Variants in RRAGC observed in about 807,000 individuals in gnomAD.
The protein encoded by RRAGC is Ras related GTP binding C, also known as ras-related GTP-binding protein C.
In RRAGC, 8 loss-of-function variants were observed where a neutral mutation model predicts 37.1. The observed-to-expected ratio is 0.22, with a 90% confidence interval of 0.13 to 0.39. The LOEUF is 0.39. Among genes scored for constraint, RRAGC ranks in the 10% least tolerant of loss-of-function variants. The pLI is 1.00. For missense variants in RRAGC, 342 were observed against 497.6 expected (o/e 0.69, Z 2.98); for synonymous variants, 190 against 181.1 (o/e 1.05, Z -0.39).
chr1:38,848,965 C>G (rs537695774), intron 5 of RRAGC, among the ~76,000 whole-genome samples: 19 of 152,144 alleles, frequency 1.2e-4, no homozygotes, highest in East Asian at 1.2e-3. Flanking sequence ...GACCCCATCT[C>G]CACAAAAATC....
chr1:38,849,920 A>C (rs1444174352), intron 5 of RRAGC, among the ~76,000 whole-genome samples: 1 of 152,140 alleles, frequency 6.6e-6, no homozygotes, highest in Non-Finnish European at 1.5e-5. Context: ...TAAAGAATTA[A>C]AACAAGCCAG....
intron 5 of RRAGC, chr1:38,847,978 T>C (rs1002639359): frequency 7.5e-5 from 11 of 146,418 alleles, no homozygotes; most frequent in African/African-American, 2.6e-4. Context: ...AGGTCGAGGC[T>C]GCAGTGAGCT....
chr1:38,847,691 T>C (rs1027872366), intron 5 of RRAGC: 2 of 152,154 alleles, frequency 1.3e-5, no homozygotes, highest in Admixed American at 1.3e-4. Flanking sequence ...TTTAACCACA[T>C]TATGTCCTTT....
At chr1:38,846,272 T>C (rs1007298602) in intron 5 of RRAGC, 185 bp from the exon 6 acceptor site, 1 of 545,906 alleles carries the variant, frequency 1.8e-6, no homozygotes, top group African/African-American at 2.0e-5. Flanking sequence ...GGGATACCTA[T>C]TAAAAACAAC....
intron 5 of RRAGC, among the ~76,000 whole-genome samples, chr1:38,849,499 GC>G: frequency 6.6e-6 from 1 of 152,220 alleles, no homozygotes; most frequent in South Asian, 2.1e-4. Flanking sequence ...GACCAGCCTG[GC>G]CAACATGGTA....
chr1:38,850,742 G>A (rs1473480336), intron 5 of RRAGC, among the ~76,000 whole-genome samples: 1 of 152,084 alleles, frequency 6.6e-6, no homozygotes, highest in South Asian at 2.1e-4. Flanking sequence ...CAAAGATAAT[G>A]CTAAAACATC....
rs1570871796 is a variant in RRAGC at position 38,857,026 on chromosome 1, C to T, written c.294G>A (p.Lys98=). Residue 98 remains lysine (K), a synonymous_variant, in exon 2 of 7, where the codon AAG becomes AAA. Coordinates refer to ENST00000373001, the MANE Select transcript of RRAGC (RefSeq NM_022157.4). The part of the protein sequence containing the change: ...NETLFLESTN[K]IYKDDISNSS... ...TATTGGAAATGTCATCCTTATAAAT[C>T]TTGTTGGTACTTTCCAAAAAGAGGG... The T allele has an allele frequency of 6.2e-7, 1 of 1,614,058 alleles. No individual in the cohort carries two copies. The highest frequency in any genetic ancestry group is 1.3e-5 in the African/African-American group (1 of 75,052).
chr1:38,843,318 TAAA>T (rs68183214), intron 6 of RRAGC, among the ~76,000 whole-genome samples: 1 of 143,790 alleles, frequency 7.0e-6, no homozygotes, highest in Admixed American at 6.9e-5. Context: ...TTCTGTCTCT[TAAA>T]AAAAAAAAAA....
chr1:38,853,366 G>T (rs71642659), intron 3 of RRAGC, among the ~76,000 whole-genome samples: 10,530 of 152,238 alleles, frequency 0.069, 416 homozygotes, highest in Middle Eastern at 0.16. Flanking sequence ...ATAACTCAGG[G>T]AGTACAATCT....
intron 5 of RRAGC, among the ~76,000 whole-genome samples, chr1:38,849,752 A>G (rs142555215): frequency 0.025 from 3,735 of 152,340 alleles, 61 homozygotes; most frequent in Non-Finnish European, 0.037. Context: ...TTACAGTTAA[A>G]TTTGATTTTT....
intron 6 of RRAGC, among the ~76,000 whole-genome samples, chr1:38,843,135 G>T (rs1641984443): frequency 6.6e-6 from 1 of 152,082 alleles, no homozygotes; most frequent in African/African-American, 2.4e-5. Flanking sequence ...TTCAAGACCA[G>T]TCTGGGCAAG....
Position 38,856,891 on chromosome 1 carries a change from G to T in RRAGC, c.429C>A (p.Val143=), listed in dbSNP as rs749889176. The T allele has an allele frequency of 1.2e-6, 2 of 1,614,048 alleles. No homozygotes were observed. Among genetic ancestry groups the T allele is most frequent in the Non-Finnish European group, 1.7e-6 (2 of 1,179,934 alleles). The change falls in exon 2 of 7, where the codon GTC becomes GTA. Residue 143 remains valine (V), a synonymous_variant. Transcript: ENST00000373001. ...CATTACTGACTACCTGTGCGTCAAT[G>T]ACGTATATCAATGCTCCTGTTCCCC... The part of the protein sequence containing the change: ...IFRGTGALIY[V]IDAQDDYMEA...
chr1:38,859,724 C>G lies in RRAGC; in HGVS notation c.-78G>C. 1 of 1,155,628 alleles carries G rather than the reference C, an allele frequency of 8.7e-7. No individual in the cohort carries two copies. The highest frequency in any genetic ancestry group is 1.1e-6 in the Non-Finnish European group (1 of 917,580). The allele number at this position is 1,155,628 out of a possible 1,614,324, so 71.6% of individuals were successfully genotyped here. A position where few individuals can be genotyped will look rare whatever the true frequency, so the allele number is the denominator to read the frequency against. On this transcript the variant is annotated 5_prime_UTR_variant, in exon 1 of 7. Coordinates refer to ENST00000373001, the MANE Select transcript of RRAGC (RefSeq NM_022157.4). ...AGGCCGCCGCCTCCCCAGTCCGCCT[C>G]CGCCGCCGCCGCCACCACCGCCACC...
chr1:38,841,302 T>C (rs1368552820), intron 6 of RRAGC, among the ~76,000 whole-genome samples: 1 of 152,074 alleles, frequency 6.6e-6, no homozygotes, highest in African/African-American at 2.4e-5. Flanking sequence ...ACCCAGGAGC[T>C]GAATGCATAG....
chr1:38,846,194 G>C, intron 5 of RRAGC, 107 bp from the exon 6 acceptor site: 1 of 862,042 alleles, frequency 1.2e-6, no homozygotes, highest in Non-Finnish European at 1.9e-6. Flanking sequence ...CTCTGGGAAA[G>C]AATACTGGCT....
intron 5 of RRAGC, among the ~76,000 whole-genome samples, chr1:38,849,610 T>A (rs1459240675): frequency 1.3e-5 from 2 of 151,210 alleles, no homozygotes; most frequent in Non-Finnish European, 3.0e-5. Context: ...ACTGCTTGAA[T>A]CCGGGAGGCA....
chr1:38,859,482 C>T lies in RRAGC; in HGVS notation c.165G>A (p.Gly55=), dbSNP rs939084063. 35 of 1,547,892 alleles carry T rather than the reference C, an allele frequency of 2.3e-5. No individual in the cohort carries two copies. The highest frequency in any genetic ancestry group is 2.2e-4 in the Middle Eastern group (1 of 4,538). ...GAGAGGGCGP[G]GADSSKPRIL... The stretch of plus-strand genomic sequence containing the variant: ...TCCTCGGCTTGGAGCTGTCAGCGCC[C>T]CCCGGACCACAGCCACCGCCTGCCC... Residue 55 remains glycine, a synonymous_variant, in exon 1 of 7, where the codon GGG becomes GGA. Transcript: ENST00000373001.
In RRAGC at chr1:38,851,762, G is replaced by T; in HGVS notation, c.757-5C>A. On this transcript the variant is annotated splice_region_variant and splice_polypyrimidine_tract_variant and intron_variant, in intron 4 of 6. Transcript: ENST00000373001. ...AGCTTTTTCAATACCTGAATTCTTG[G>T]AAAAACAAATGGGAAACTGTTCAGT... The T allele has an allele frequency of 1.2e-6, 2 of 1,606,590 alleles. No individual in the cohort carries two copies. Among genetic ancestry groups the T allele is most frequent in the Non-Finnish European group, 8.5e-7 (1 of 1,176,870 alleles).
intron 6 of RRAGC, among the ~76,000 whole-genome samples, chr1:38,840,656 G>A (rs1441446740): frequency 2.6e-5 from 4 of 152,150 alleles, no homozygotes; most frequent in Non-Finnish European, 4.4e-5. Context: ...CAGAAAAGGG[G>A]AACAAAATCA....
Sources: allele counts gnomAD v4.1 joint callset (sites outside exome capture counted in the v4.1 genomes callset), GRCh38; gene constraint gnomAD v4.1.1; transcripts MANE v1.5; gene names NCBI Gene and HGNC (gene_info 2026-07-23, HGNC 2026-07-21).